The following HMBOX1 variants were observed in gnomAD, a reference collection of about 807,000 sequenced individuals.
HMBOX1 encodes homeobox containing 1.
A neutral mutation model predicts 54.5 loss-of-function variants in HMBOX1; 14 were observed. That is an observed-to-expected ratio of 0.26 (90% CI 0.17 to 0.40). The LOEUF is 0.40. HMBOX1 is among the 10% of genes least tolerant of loss of function. The pLI is 1.00. For missense variants in HMBOX1, 332 were observed against 514.4 expected, an observed-to-expected ratio of 0.65 and a Z score of 3.43; for synonymous variants, 160 against 181.0, an observed-to-expected ratio of 0.88 and a Z score of 0.93.
chr8:28,925,589 T>C (rs1378043687), intron 1 of HMBOX1, among the ~76,000 whole-genome samples: 1 of 152,110 alleles, frequency 6.6e-6, no homozygotes, highest in Non-Finnish European at 1.5e-5. Context: ...GTAAACCACC[T>C]TGACCCTGTC....
At position 28,957,236 on chromosome 8, in the gene HMBOX1, G is replaced by T. The variant is rs1824623414; in HGVS notation, c.-57-6575G>T. Among the ~76,000 whole-genome samples, 6 of 152,286 alleles carry T rather than the reference G, an allele frequency of 3.9e-5. No individual in the cohort carries two copies. The South Asian group carries it at 1.2e-3, about 32-fold the overall frequency. On this transcript the variant is annotated intron_variant, in intron 1 of 9. Coordinates refer to ENST00000287701, the MANE Select transcript of HMBOX1 (RefSeq NM_001135726.3). ...CCATGGAATGCTACCCATAAAAAAA[G>T]AACAAAATCATGTCCTTTGCAGCAA...
chr8:29,020,403 T>C (rs1227379387), intron 6 of HMBOX1, among the ~76,000 whole-genome samples: 1 of 152,190 alleles, frequency 6.6e-6, no homozygotes, highest in African/African-American at 2.4e-5. Context: ...ATATTCCTAA[T>C]GTACTTTCAG....
intron 6 of HMBOX1, among the ~76,000 whole-genome samples, chr8:29,023,828 A>G (rs1801593717): frequency 6.6e-6 from 1 of 152,198 alleles, no homozygotes; most frequent in African/African-American, 2.4e-5. Flanking sequence ...CTGGATGCAT[A>G]TTAGGATCAC....
intron 1 of HMBOX1, among the ~76,000 whole-genome samples, chr8:28,954,381 A>G (rs1288534013): frequency 6.6e-6 from 1 of 152,132 alleles, no homozygotes; most frequent in African/African-American, 2.4e-5. Flanking sequence ...TGGTCTATGT[A>G]GTATCCCCCA....
In HMBOX1 at chr8:28,942,501, T is replaced by C. The variant is rs572627987; in HGVS notation, c.-57-21310T>C. 2.6e-5 allele frequency among the ~76,000 whole-genome samples: 4 copies of C among 152,312 alleles called. No homozygotes were observed. In the South Asian group the frequency reaches 8.3e-4, roughly 32 times the overall value. ...CCCTCAGTTATTAAGTTCTCCTCCT[T>C]GAGGGAATTAATACTACCAGTTTCT... On this transcript the variant is annotated intron_variant, in intron 1 of 9. Transcript: ENST00000287701.
intron 1 of HMBOX1, among the ~76,000 whole-genome samples, chr8:28,923,296 G>A (rs754787503): frequency 6.6e-6 from 1 of 152,100 alleles, no homozygotes; most frequent in African/African-American, 2.4e-5. Context: ...TTTGGATCTG[G>A]CTTATTTTGC....
At chr8:28,895,490 C>G (rs1191812460) in intron 1 of HMBOX1, among the ~76,000 whole-genome samples, 1 of 152,148 alleles carries the variant, frequency 6.6e-6, no homozygotes, top group Non-Finnish European at 1.5e-5. Context: ...GTCTGGCCAA[C>G]ATGGCGAAAC....
At chr8:28,927,831 CAAA>C (rs34952149) in intron 1 of HMBOX1, among the ~76,000 whole-genome samples, 37 of 52,752 alleles carry the variant, frequency 7.0e-4, no homozygotes, top group Admixed American at 1.3e-3. Flanking sequence ...AACTCAGTCT[CAAA>C]AAAAAAAAAA....
chr8:29,032,859 TACGGTAGTGCAGTA>T, intron 6 of HMBOX1, among the ~76,000 whole-genome samples: 1 of 152,340 alleles, frequency 6.6e-6, no homozygotes, highest in African/African-American at 2.4e-5. Context: ...AGGTGGGAGA[TACGGTAGTGCAGTA>T]TTTTCTAATT....
intron 8 of HMBOX1, 152 bp downstream of exon 8, chr8:29,047,605 T>A (rs761877516): frequency 1.2e-5 from 6 of 520,908 alleles, no homozygotes; most frequent in Non-Finnish European, 3.4e-6. Flanking sequence ...TTCACTCTTG[T>A]TGCCCAGGCT....
chr8:28,938,420 A>G (rs947432179), intron 1 of HMBOX1, among the ~76,000 whole-genome samples: 8 of 152,262 alleles, frequency 5.3e-5, no homozygotes, highest in African/African-American at 1.9e-4. Flanking sequence ...ATGAAGCAGC[A>G]AGGGGTATCT....
intron 4 of HMBOX1, among the ~76,000 whole-genome samples, chr8:28,998,067 A>G (rs573661600): frequency 3.2e-4 from 48 of 152,336 alleles, no homozygotes; most frequent in Admixed American, 7.2e-4. Flanking sequence ...ATGTTTGACT[A>G]TGAATTCAAT....
intron 5 of HMBOX1, among the ~76,000 whole-genome samples, chr8:29,011,878 A>G (rs577809136): frequency 2.0e-5 from 3 of 152,214 alleles, no homozygotes; most frequent in Non-Finnish European, 4.4e-5. Flanking sequence ...CTTTAAGTAC[A>G]TAGTGCCTCC....
chr8:28,994,146 G>A (rs1831415188), intron 4 of HMBOX1, among the ~76,000 whole-genome samples: 1 of 141,834 alleles, frequency 7.1e-6, no homozygotes, highest in Non-Finnish European at 1.5e-5. Flanking sequence ...CAGCCTGGGC[G>A]ACAGAGCCAG....
At chr8:29,020,675 G>A (rs938557453) in intron 6 of HMBOX1, among the ~76,000 whole-genome samples, 4 of 152,158 alleles carry the variant, frequency 2.6e-5, no homozygotes, top group African/African-American at 9.7e-5. Flanking sequence ...CAAAAGCACA[G>A]AAAGCCTTTC....
At chr8:29,001,475 G>A (rs1832632921) in intron 4 of HMBOX1, among the ~76,000 whole-genome samples, 1 of 152,086 alleles carries the variant, frequency 6.6e-6, no homozygotes, top group African/African-American at 2.4e-5. Flanking sequence ...ACTTGTACCT[G>A]GGAGGCAGAG....
chr8:28,920,873 A>G (rs1817436519), intron 1 of HMBOX1, among the ~76,000 whole-genome samples: 1 of 152,236 alleles, frequency 6.6e-6, no homozygotes, highest in Non-Finnish European at 1.5e-5. Context: ...ATGTTATTTT[A>G]CTTTATATCT....
chr8:28,948,653 C>G (rs1181875307), intron 1 of HMBOX1, among the ~76,000 whole-genome samples: 1 of 152,060 alleles, frequency 6.6e-6, no homozygotes, highest in Admixed American at 6.5e-5. Flanking sequence ...ATTTATTGTG[C>G]AAATTAGTGT....
At chr8:29,018,277 G>A (rs925352299) in intron 5 of HMBOX1, among the ~76,000 whole-genome samples, 4 of 152,084 alleles carry the variant, frequency 2.6e-5, no homozygotes, top group Non-Finnish European at 5.9e-5. Context: ...TGAGAAAAGA[G>A]TAATCTGAAT....
Sources: gnomAD v4.1 joint callset for allele counts (sites outside exome capture counted in the v4.1 genomes callset) on GRCh38, gnomAD v4.1.1 for gene constraint, MANE v1.5 for transcripts, NCBI Gene and HGNC (gene_info 2026-07-23, HGNC 2026-07-21) for gene names.